The following MYO1D variants were observed in gnomAD, a reference collection of about 807,000 sequenced individuals.
MYO1D encodes the protein myosin ID, also known as unconventional myosin-Id.
Under a neutral mutation model 122.0 loss-of-function variants are expected in MYO1D, and 83 were observed. The ratio of observed to expected loss-of-function variants is 0.68; its 90% CI spans 0.57 to 0.82. MYO1D has a LOEUF of 0.82. MYO1D is among the 40% of genes least tolerant of loss of function. The pLI is 0.00. For missense variants in MYO1D, 1,157 were observed against 1,269.5 expected (o/e 0.91, Z 1.35); for synonymous variants, 464 against 446.9 (o/e 1.04, Z -0.48).
chr17:32,583,858 A>C (rs534106466), intron 21 of MYO1D, among the ~76,000 whole-genome samples: 7 of 147,382 alleles, frequency 4.7e-5, no homozygotes, highest in African/African-American at 1.0e-4. Flanking sequence ...GCCCGCCCCA[A>C]CCTCCCAAAG....
At chr17:32,675,243 CAG>C (rs1234761903) in intron 16 of MYO1D, among the ~76,000 whole-genome samples, 2 of 152,100 alleles carry the variant, frequency 1.3e-5, no homozygotes, top group Non-Finnish European at 2.9e-5. Context: ...TAATGTGACA[CAG>C]AAATAAATGT....
At chr17:32,742,027 A>AG (rs2089779181) in intron 13 of MYO1D, among the ~76,000 whole-genome samples, 1 of 151,568 alleles carries the variant, frequency 6.6e-6, no homozygotes, top group Non-Finnish European at 1.5e-5. Context: ...AAAAAAAAAA[A>AG]AAAGTAAATT....
chr17:32,810,706 A>T (rs1009143026), intron 1 of MYO1D, among the ~76,000 whole-genome samples: 6 of 151,990 alleles, frequency 3.9e-5, no homozygotes, highest in African/African-American at 1.2e-4. Flanking sequence ...CGAACTCCTG[A>T]CCTCAAGTGA....
At chr17:32,618,979 G>T (rs1221845725) in intron 20 of MYO1D, among the ~76,000 whole-genome samples, 1 of 152,002 alleles carries the variant, frequency 6.6e-6, no homozygotes, top group Non-Finnish European at 1.5e-5. Context: ...TCCTTTTGTT[G>T]CAAGAATCTT....
chr17:32,803,944 A>C (rs1320844363), intron 1 of MYO1D, among the ~76,000 whole-genome samples: 1 of 152,202 alleles, frequency 6.6e-6, no homozygotes, highest in African/African-American at 2.4e-5. Flanking sequence ...AAATTGTTTT[A>C]AAAAAGAAGA....
intron 21 of MYO1D, among the ~76,000 whole-genome samples, chr17:32,534,647 G>C (rs1439515385): frequency 3.3e-5 from 5 of 152,126 alleles, no homozygotes; most frequent in African/African-American, 1.2e-4. Context: ...CTGTTGCAAA[G>C]GGCGAAGTAC....
chr17:32,533,979 A>C (rs1017133454), intron 21 of MYO1D, among the ~76,000 whole-genome samples: 1 of 152,236 alleles, frequency 6.6e-6, no homozygotes, highest in Non-Finnish European at 1.5e-5. Flanking sequence ...TAGTATATTA[A>C]ATGAGAAAAT....
At chr17:32,720,868 A>C (rs777409061) in intron 15 of MYO1D, among the ~76,000 whole-genome samples, 155 bp downstream of exon 15, 1 of 152,240 alleles carries the variant, frequency 6.6e-6, no homozygotes, top group African/African-American at 2.4e-5. Context: ...ACTCATGTTG[A>C]AACTGGGAAA....
intron 16 of MYO1D, among the ~76,000 whole-genome samples, chr17:32,692,418 T>C (rs139691997): frequency 9.0e-4 from 137 of 152,354 alleles, no homozygotes; most frequent in African/African-American, 2.9e-3. Flanking sequence ...TTGTCACCCA[T>C]AAAGTTTCTT....
intron 1 of MYO1D, among the ~76,000 whole-genome samples, chr17:32,822,410 CG>C (rs1158091120): frequency 2.0e-5 from 3 of 151,004 alleles, no homozygotes; most frequent in Admixed American, 1.3e-4. Context: ...ACGCGTCCAG[CG>C]CCGTCCGTCC....
At chr17:32,500,007 C>G (rs1296075859) in intron 21 of MYO1D, among the ~76,000 whole-genome samples, 1 of 152,192 alleles carries the variant, frequency 6.6e-6, no homozygotes, top group Non-Finnish European at 1.5e-5. Flanking sequence ...AACAACCCTA[C>G]AAGTTTAATG....
rs758232518 is a variant in MYO1D, at chr17:32,659,161, T to G, written c.2299A>C (p.Lys767Gln). Reference protein sequence around the residue: ...GKHVKWPSPPKVLRRFEEALQ... With the variant: ...GKHVKWPSPPQVLRRFEEALQ... The stretch of plus-strand genomic sequence containing the variant: ...GCCTCCTCAAAACGGCGAAGAACTT[T>G]AGGAGGGCTTGGCCACTTCACGTGC... Residue 767 changes from lysine to glutamine, a missense_variant, in exon 17 of 22, where the codon AAA (lysine) becomes CAA (glutamine). Coordinates refer to ENST00000318217, the MANE Select transcript of MYO1D (RefSeq NM_015194.3). 3 of 1,614,194 alleles carry G rather than the reference T, an allele frequency of 1.9e-6. No individual in the cohort carries two copies. The highest frequency in any genetic ancestry group is 2.5e-6 in the Non-Finnish European group (3 of 1,180,036).
rs35856547 is a variant in MYO1D, at chr17:32,694,694, C to T, written c.2121+17294G>A. ...CCGCAGTCCGGCCTGGGCGACAGAG[C>T]GAGACTCCGTCTCAAAAAAAAAAAA... On this transcript the variant is annotated intron_variant, in intron 16 of 21. Transcript: ENST00000318217. Among the ~76,000 whole-genome samples, 835 of 110,718 alleles carry T rather than the reference C, an allele frequency of 7.5e-3. 8 individuals are homozygous for T. The highest frequency in any genetic ancestry group is 0.029 in the African/African-American group (796 of 27,750). The allele number at this position is 110,718 out of a possible 152,430, so 72.6% of individuals were successfully genotyped here. A position where few individuals can be genotyped will look rare whatever the true frequency, so the allele number is the denominator to read the frequency against.
intron 16 of MYO1D, among the ~76,000 whole-genome samples, chr17:32,683,433 G>C (rs977568198): frequency 6.6e-6 from 1 of 152,126 alleles, no homozygotes; most frequent in Non-Finnish European, 1.5e-5. Flanking sequence ...TTTCGGTGTG[G>C]ATGTCCTTTC....
chr17:32,561,498 G>A (rs1280860342), intron 21 of MYO1D, among the ~76,000 whole-genome samples: 1 of 151,694 alleles, frequency 6.6e-6, no homozygotes, highest in African/African-American at 2.4e-5. Flanking sequence ...GAACATCCTG[G>A]CCAACATGGT....
Position 32,494,892 on chromosome 17 carries a change from T to C in MYO1D, c.2888A>G (p.Asn963Ser), listed in dbSNP as rs763838575. Residue 963 changes from asparagine to serine, a missense_variant, in exon 22 of 22, where the codon AAC (asparagine) becomes AGC (serine). Physicochemically the swap from Asn to Ser is conservative, Grantham distance 46. Transcript: ENST00000318217. Reference protein sequence around the residue: ...FKSEKRHLQVNVTNPVQCSLH... With the variant: ...FKSEKRHLQVSVTNPVQCSLH... ...GCTGCACTGTACTGGGTTGGTGACG[T>C]TCACTTGAAGGTGGCGCTTCTCACT... 2 of 1,604,330 alleles carry C rather than the reference T, an allele frequency of 1.2e-6. No homozygotes were observed. Among genetic ancestry groups the C allele is most frequent in the Non-Finnish European group, 1.7e-6 (2 of 1,173,966 alleles).
chr17:32,659,572 G>A (rs900420246), intron 16 of MYO1D: 7 of 549,778 alleles, frequency 1.3e-5, no homozygotes, highest in African/African-American at 7.6e-5. Flanking sequence ...ACACTGAAGT[G>A]TGTGCTGAGC....
intron 16 of MYO1D, among the ~76,000 whole-genome samples, chr17:32,672,735 C>T (rs145220782): frequency 0.015 from 2,230 of 152,296 alleles, 43 homozygotes; most frequent in African/African-American, 0.048. Flanking sequence ...ATCCACCTGC[C>T]TCAGCCTCCC....
intron 20 of MYO1D, among the ~76,000 whole-genome samples, chr17:32,628,966 A>G (rs570374372): frequency 6.6e-6 from 1 of 152,356 alleles, no homozygotes; most frequent in East Asian, 1.9e-4. Flanking sequence ...TAGTTGCCAA[A>G]AAGTGGAAGC....
Sources: gnomAD v4.1 joint callset for allele counts (sites outside exome capture counted in the v4.1 genomes callset) on GRCh38, gnomAD v4.1.1 for gene constraint, MANE v1.5 for transcripts, NCBI Gene and HGNC (gene_info 2026-07-23, HGNC 2026-07-21) for gene names.